The following SESN3 variants were observed in gnomAD, a reference collection of about 807,000 sequenced individuals.
SESN3 encodes the protein sestrin 3.
SESN3 carries 21 observed loss-of-function variants against 55.3 expected under a neutral mutation model. The ratio of observed to expected loss-of-function variants is 0.38; its 90% CI spans 0.27 to 0.55. SESN3 has a LOEUF of 0.55. SESN3 is among the 20% of genes least tolerant of loss of function. The pLI is 0.76. For missense variants in SESN3, 408 were observed against 604.3 expected (o/e 0.68, Z 3.41); for synonymous variants, 181 against 203.1 (o/e 0.89, Z 0.93).
At chr11:95,215,261 T>TG (rs1173428962) in intron 1 of SESN3, among the ~76,000 whole-genome samples, 4 of 102,428 alleles carry the variant, frequency 3.9e-5, no homozygotes, top group Non-Finnish European at 7.5e-5. Context: ...GGTCTAGGGG[T>TG]GGGGGGTGGG....
At chr11:95,193,030 A>G (rs1184913789) in intron 2 of SESN3, among the ~76,000 whole-genome samples, 1 of 152,214 alleles carries the variant, frequency 6.6e-6, no homozygotes, top group East Asian at 1.9e-4. Flanking sequence ...TGTAGTAGGC[A>G]ACTTAGAGCA....
At chr11:95,200,205 A>C (rs1309549236) in intron 1 of SESN3, among the ~76,000 whole-genome samples, 2 of 152,118 alleles carry the variant, frequency 1.3e-5, no homozygotes, top group African/African-American at 4.8e-5. Context: ...ATGCTATGAA[A>C]TAATGCTGAT....
rs890889215 is a variant in SESN3, at chr11:95,169,589, A to G, written c.*3666T>C. ...ACCTTATTTTGCTAACACAGTGCAAATCATTTTTATAATATGCACTGAAAT... is the reference window on the plus strand; with the variant it reads ...ACCTTATTTTGCTAACACAGTGCAAGTCATTTTTATAATATGCACTGAAAT... On this transcript the variant is annotated 3_prime_UTR_variant, in exon 10 of 10. Transcript: ENST00000536441. 1 of 152,184 alleles carries G rather than the reference A, an allele frequency of 6.6e-6. No homozygotes were observed. The highest frequency in any genetic ancestry group is 1.5e-5 in the Non-Finnish European group (1 of 68,016). 9.4% of individuals were successfully genotyped at this position (152,184 alleles called of 1,614,324 possible). A position where few individuals can be genotyped will look rare whatever the true frequency, so the allele number is the denominator to read the frequency against.
intron 1 of SESN3, among the ~76,000 whole-genome samples, chr11:95,198,267 A>C (rs1299024050): frequency 6.6e-6 from 1 of 152,080 alleles, no homozygotes. Flanking sequence ...CTTTGAGAAG[A>C]TACCGCATAA....
chr11:95,220,579 A>AT (rs1464458249), intron 1 of SESN3, among the ~76,000 whole-genome samples: 3 of 152,210 alleles, frequency 2.0e-5, no homozygotes, highest in Non-Finnish European at 2.9e-5. Context: ...TTATAAAATG[A>AT]TTTTTTGCAT....
In SESN3 at chr11:95,171,144, G is replaced by C. The variant is rs1859842333; in HGVS notation, c.*2111C>G. ...GCATCTAGTAAAAAAACAAATTCAAGAATAAATGACATCCTCAACTTGAAA... is the reference window on the plus strand; with the variant it reads ...GCATCTAGTAAAAAAACAAATTCAACAATAAATGACATCCTCAACTTGAAA... On this transcript the variant is annotated 3_prime_UTR_variant, in exon 10 of 10. Transcript: ENST00000536441. The C allele has an allele frequency of 6.6e-6, 1 of 152,068 alleles. No individual in the cohort carries two copies. 9.4% of individuals were successfully genotyped at this position (152,068 alleles called of 1,614,324 possible). A position where few individuals can be genotyped will look rare whatever the true frequency, so the allele number is the denominator to read the frequency against.
At chr11:95,231,211 C>T (rs1861060979), upstream of SESN3, 2 of 409,434 alleles carry the variant, frequency 4.9e-6, no homozygotes, top group East Asian at 7.2e-5. Context: ...GCGGCCCCGC[C>T]TCCGCCGCCC....
Position 95,173,120 on chromosome 11 carries a change from A to AC in SESN3, c.*134_*135insG, listed in dbSNP as rs1555117556. 20 of 474,198 alleles carry AC rather than the reference A, an allele frequency of 4.2e-5. No homozygotes were observed. The highest frequency in any genetic ancestry group is 2.2e-4 in the African/African-American group (11 of 50,592). The allele number at this position is 474,198 out of a possible 1,614,324, so 29.4% of individuals were successfully genotyped here. ...TTGCACATTACAGCCGCAAAAAACA[A>AC]AAAAAAAAAAACAAACGGCTAAACT... is the stretch of plus-strand genomic sequence containing the variant. On this transcript the variant is annotated 3_prime_UTR_variant, in exon 10 of 10. Transcript: ENST00000536441.
intron 1 of SESN3, among the ~76,000 whole-genome samples, chr11:95,212,158 AC>A (rs1469713751): frequency 6.6e-6 from 1 of 152,154 alleles, no homozygotes; most frequent in Non-Finnish European, 1.5e-5. Context: ...AAACATAAGA[AC>A]AAGTATTTAA....
chr11:95,198,683 A>G (rs1860407928), intron 1 of SESN3, among the ~76,000 whole-genome samples: 2 of 152,194 alleles, frequency 1.3e-5, no homozygotes. Context: ...ATTTAAATTT[A>G]AGCTGATTAA....
intron 1 of SESN3, among the ~76,000 whole-genome samples, chr11:95,216,641 C>A (rs927708117): frequency 2.6e-5 from 4 of 151,914 alleles, no homozygotes; most frequent in African/African-American, 7.3e-5. Context: ...CAATTCATTC[C>A]ATTTTCCACT....
At chr11:95,203,051 A>C (rs772200902) in intron 1 of SESN3, among the ~76,000 whole-genome samples, 1 of 152,138 alleles carries the variant, frequency 6.6e-6, no homozygotes, top group Admixed American at 6.6e-5. Context: ...CTTTTGGAGA[A>C]ACAAAAATAT....
intron 1 of SESN3, among the ~76,000 whole-genome samples, chr11:95,214,114 T>C (rs1426794310): frequency 1.3e-5 from 2 of 152,096 alleles, no homozygotes; most frequent in African/African-American, 2.4e-5. Context: ...ATGGAGACAG[T>C]TCTATTTAAG....
chr11:95,222,207 G>T (rs1225423607), intron 1 of SESN3, among the ~76,000 whole-genome samples: 1 of 152,134 alleles, frequency 6.6e-6, no homozygotes, highest in Non-Finnish European at 1.5e-5. Context: ...AAGGCCAGCA[G>T]CTAAGGCTGG....
chr11:95,175,835 A>G (rs990301299), intron 8 of SESN3, among the ~76,000 whole-genome samples, 193 bp from the exon 9 acceptor site: 2 of 152,238 alleles, frequency 1.3e-5, no homozygotes, highest in African/African-American at 4.8e-5. Context: ...TGAACAAAAC[A>G]GACAAAAATC....
rs1424746089 is a variant in SESN3 at position 95,167,035 on chromosome 11, A to T, written c.*6220T>A. 1 of 152,126 alleles carries T rather than the reference A, an allele frequency of 6.6e-6. No homozygotes were observed. Among genetic ancestry groups the T allele is most frequent in the Non-Finnish European group, 1.5e-5 (1 of 67,994 alleles). 9.4% of individuals were successfully genotyped at this position (152,126 alleles called of 1,614,324 possible). A position where few individuals can be genotyped will look rare whatever the true frequency, so the allele number is the denominator to read the frequency against. On this transcript the variant is annotated 3_prime_UTR_variant, in exon 10 of 10. Transcript: ENST00000536441. ...AACTCCTTGGCCACCCAACTAATACATTTCTTTTTTCTTTTAATCCTTCCT... is the reference window on the plus strand; with the variant it reads ...AACTCCTTGGCCACCCAACTAATACTTTTCTTTTTTCTTTTAATCCTTCCT...
chr11:95,228,073 C>A (rs1591083813), intron 1 of SESN3, among the ~76,000 whole-genome samples: 1 of 152,118 alleles, frequency 6.6e-6, no homozygotes, highest in Non-Finnish European at 1.5e-5. Context: ...TAGGTACATT[C>A]AATATTTTAA....
intron 1 of SESN3, among the ~76,000 whole-genome samples, chr11:95,196,909 C>T (rs549752174): frequency 1.8e-4 from 28 of 152,300 alleles, no homozygotes; most frequent in African/African-American, 5.5e-4. Context: ...GATGGTCACA[C>T]CTACTCAATC....
At chr11:95,220,370 A>G (rs745591006) in intron 1 of SESN3, among the ~76,000 whole-genome samples, 1 of 152,202 alleles carries the variant, frequency 6.6e-6, no homozygotes, top group Non-Finnish European at 1.5e-5. Flanking sequence ...GCAGTATTAA[A>G]TGATTCAATG....
Sources: gnomAD v4.1 joint callset for allele counts (sites outside exome capture counted in the v4.1 genomes callset) on GRCh38, gnomAD v4.1.1 for gene constraint, MANE v1.5 for transcripts, NCBI Gene and HGNC (gene_info 2026-07-23, HGNC 2026-07-21) for gene names.